EDAR: variants seen among roughly 807,000 people sequenced by gnomAD.
EDAR encodes ectodysplasin A receptor, also known as tumor necrosis factor receptor superfamily member EDAR.
A neutral mutation model predicts 51.3 loss-of-function variants in EDAR; 38 were observed. That is an observed-to-expected ratio of 0.74 (90% CI 0.57 to 0.97). The LOEUF (loss-of-function observed/expected upper bound fraction) is 0.97. Among genes scored for constraint, EDAR ranks in the 50% least tolerant of loss-of-function variants. The pLI, the probability that EDAR is intolerant of heterozygous loss-of-function variation, is 0.00. For synonymous variants in EDAR, 227 were observed against 242.1 expected (o/e 0.94, Z 0.58); for missense variants, 528 against 595.0 (o/e 0.89, Z 1.17).
At chr2:108,918,098 G>A (rs1456026109) in intron 5 of EDAR, among the ~76,000 whole-genome samples, 1 of 152,184 alleles carries the variant, frequency 6.6e-6, no homozygotes, top group East Asian at 1.9e-4. Flanking sequence ...ATATTAAAAG[G>A]AAAAGAGAGC....
At chr2:108,979,034 C>T (rs542645284) in intron 1 of EDAR, among the ~76,000 whole-genome samples, 2 of 152,314 alleles carry the variant, frequency 1.3e-5, no homozygotes, top group African/African-American at 2.4e-5. Context: ...TAGGCATCTA[C>T]TCAGTAAGCA....
chr2:108,984,900 C>A (rs1698472692), intron 1 of EDAR, among the ~76,000 whole-genome samples: 1 of 152,150 alleles, frequency 6.6e-6, no homozygotes, highest in African/African-American at 2.4e-5. Context: ...TGAAATCCTG[C>A]CTGCTTCCTC....
intron 10 of EDAR, among the ~76,000 whole-genome samples, chr2:108,906,577 G>A (rs1231126491): frequency 2.6e-5 from 4 of 152,214 alleles, no homozygotes; most frequent in Non-Finnish European, 1.5e-5. Context: ...GTCTACCACG[G>A]GTGCGTCTTA....
intron 1 of EDAR, among the ~76,000 whole-genome samples, chr2:108,957,656 C>A (rs150620256): frequency 3.3e-5 from 5 of 152,232 alleles, no homozygotes; most frequent in African/African-American, 7.2e-5. Flanking sequence ...ATAATTGATG[C>A]GGCCTTACAA....
chr2:108,912,329 C>A (rs1169279262), intron 6 of EDAR, among the ~76,000 whole-genome samples: 1 of 152,104 alleles, frequency 6.6e-6, no homozygotes, highest in Non-Finnish European at 1.5e-5. Flanking sequence ...ATATGAAAAC[C>A]AGTGATAGAA....
intron 1 of EDAR, among the ~76,000 whole-genome samples, chr2:108,945,195 TG>T (rs1697692295): frequency 6.6e-6 from 1 of 152,034 alleles, no homozygotes; most frequent in Non-Finnish European, 1.5e-5. Flanking sequence ...CCAGCTTGGG[TG>T]GGGGCGAGCT....
intron 6 of EDAR, 22 bp downstream of exon 6, chr2:108,912,656 G>C (rs191394399): frequency 1.3e-6 from 2 of 1,563,172 alleles, no homozygotes; most frequent in Admixed American, 1.9e-5. Flanking sequence ...CCAGGTGATC[G>C]ATACCTGAGC....
chr2:108,915,730 C>G (rs1055128106), intron 5 of EDAR, among the ~76,000 whole-genome samples: 1 of 151,822 alleles, frequency 6.6e-6, no homozygotes, highest in African/African-American at 2.4e-5. Flanking sequence ...AACCCCAACT[C>G]TACTAAAAGT....
At chr2:108,904,154 A>G (rs2105385086) in intron 11 of EDAR, among the ~76,000 whole-genome samples, 2 of 152,348 alleles carry the variant, frequency 1.3e-5, no homozygotes, top group Non-Finnish European at 2.9e-5. Context: ...AAAATGGGCA[A>G]AAGACATGAA....
At chr2:108,915,293 G>C (rs1697006453) in intron 5 of EDAR, among the ~76,000 whole-genome samples, 1 of 152,220 alleles carries the variant, frequency 6.6e-6, no homozygotes, top group African/African-American at 2.4e-5. Flanking sequence ...CTAGTGACCA[G>C]CTGAGCTATC....
intron 1 of EDAR, among the ~76,000 whole-genome samples, chr2:108,940,921 G>A (rs1163119597): frequency 6.6e-6 from 1 of 152,182 alleles, no homozygotes; most frequent in Non-Finnish European, 1.5e-5. Flanking sequence ...ACATTTTCCA[G>A]TTACAGGTGG....
Position 108,931,028 on chromosome 2 carries a change from C to T in EDAR, c.-14G>A, listed in dbSNP as rs1429727352. The T allele has an allele frequency of 2.5e-6, 4 of 1,614,046 alleles. No individual in the cohort carries two copies. The highest frequency in any genetic ancestry group is 3.4e-6 in the Non-Finnish European group (4 of 1,180,012). On this transcript the variant is annotated 5_prime_UTR_variant, in exon 2 of 12. Coordinates refer to ENST00000258443, the MANE Select transcript of EDAR (RefSeq NM_022336.4). ...CACATGGGCCATCCTCTCCCAAGGG[C>T]TCACCTGAAAGACATGCGTCATTAG...
At chr2:108,958,941 G>A (rs1304179825) in intron 1 of EDAR, among the ~76,000 whole-genome samples, 1 of 152,226 alleles carries the variant, frequency 6.6e-6, no homozygotes, top group African/African-American at 2.4e-5. Flanking sequence ...CCACATCATG[G>A]AATGCCACTT....
intron 5 of EDAR, among the ~76,000 whole-genome samples, chr2:108,914,739 G>A (rs772405140): frequency 1.3e-5 from 2 of 152,284 alleles, no homozygotes; most frequent in South Asian, 2.1e-4. Flanking sequence ...GGAGAAATCC[G>A]TGAAGTGCAC....
chr2:108,986,809 G>A (rs1415637128), intron 1 of EDAR, among the ~76,000 whole-genome samples: 1 of 152,118 alleles, frequency 6.6e-6, no homozygotes, highest in Non-Finnish European at 1.5e-5. Context: ...TGCAATATAC[G>A]AATTCAGTAA....
chr2:108,951,718 G>C (rs540932624), intron 1 of EDAR, among the ~76,000 whole-genome samples: 17 of 151,950 alleles, frequency 1.1e-4, no homozygotes, highest in Non-Finnish European at 2.4e-4. Flanking sequence ...TCATTCTAAA[G>C]GTTCTTCCAT....
intron 1 of EDAR, among the ~76,000 whole-genome samples, chr2:108,972,252 C>T (rs1698248081): frequency 6.6e-6 from 1 of 152,284 alleles, no homozygotes; most frequent in South Asian, 2.1e-4. Context: ...TTCAGCCACA[C>T]CCCTGTAAGA....
intron 1 of EDAR, among the ~76,000 whole-genome samples, chr2:108,946,636 G>A (rs1574397921): frequency 6.6e-6 from 1 of 152,174 alleles, no homozygotes; most frequent in African/African-American, 2.4e-5. Context: ...ATAGCAGAAG[G>A]CAAAGGGGAG....
chr2:108,928,292 T>C (rs1420066114), intron 4 of EDAR, among the ~76,000 whole-genome samples: 1 of 152,092 alleles, frequency 6.6e-6, no homozygotes, highest in Non-Finnish European at 1.5e-5. Context: ...GCCTAACTCA[T>C]CCAGGCATCA....
Sources: gnomAD v4.1 joint callset for allele counts (sites outside exome capture counted in the v4.1 genomes callset) on GRCh38, gnomAD v4.1.1 for gene constraint, MANE v1.5 for transcripts, NCBI Gene and HGNC (gene_info 2026-07-23, HGNC 2026-07-21) for gene names.